Variants in NOP53 observed in about 807,000 individuals in gnomAD.
NOP53 encodes NOP53 ribosome biogenesis factor, also known as ribosome biogenesis protein NOP53.
Under a neutral mutation model 61.0 loss-of-function variants are expected in NOP53, and 40 were observed. The observed-to-expected ratio is 0.66, with a 90% confidence interval of 0.51 to 0.85. The LOEUF is 0.85. Among genes scored for constraint, NOP53 ranks in the 40% least tolerant of loss-of-function variants. The pLI is 0.00. For synonymous variants in NOP53, 308 were observed against 289.5 expected (o/e 1.06, Z -0.65); for missense variants, 689 against 652.9 (o/e 1.06, Z -0.60).
intron 2 of NOP53, among the ~76,000 whole-genome samples, chr19:47,747,854 C>T (rs1478248947): frequency 2.2e-5 from 3 of 136,304 alleles, no homozygotes; most frequent in African/African-American, 8.2e-5. Flanking sequence ...GATCTCAGCT[C>T]ACCGCAACCT....
rs894047871 is a variant in NOP53 at position 47,745,758 on chromosome 19, G to A, written c.199G>A (p.Val67Met). The A allele has an allele frequency of 6.3e-7, 1 of 1,587,926 alleles. No individual in the cohort carries two copies. The highest frequency in any genetic ancestry group is 1.4e-5 in the African/African-American group (1 of 73,820). Residue 67 changes from valine to methionine, a missense_variant, in exon 1 of 13, where the codon GTG becomes ATG. Physicochemically the swap from Val to Met is conservative, Grantham distance 21 (BLOSUM62 1). Transcript: ENST00000246802. ...GLEVDQFLED[V>M]RLQERTSGGL... ...GGAGGTTGACCAGTTCCTGGAAGAC[G>A]TGCGGCTACAGGAGCGCACGAGCGG... is the stretch of plus-strand genomic sequence containing the variant.
chr19:47,747,129 C>A, intron 2 of NOP53, 98 bp downstream of exon 2: 1 of 938,464 alleles, frequency 1.1e-6, no homozygotes, highest in South Asian at 1.6e-5. Context: ...GCTTGGAAGG[C>A]AAATATCTGC....
At chr19:47,745,994 A>G (rs1486045854) in intron 1 of NOP53, 3 of 517,270 alleles carry the variant, frequency 5.8e-6, no homozygotes, top group South Asian at 3.0e-5. Flanking sequence ...TTTAGCAGAT[A>G]AATATACAGG....
Position 47,751,042 on chromosome 19 carries a change from C to G in NOP53, c.533C>G (p.Thr178Arg). The G allele has an allele frequency of 1.9e-6, 3 of 1,607,286 alleles. No individual in the cohort carries two copies. The highest frequency in any genetic ancestry group is 2.5e-6 in the Non-Finnish European group (3 of 1,177,740). The part of the protein sequence containing the change: ...AQARLLNPSA[T>R]RAKPGPQDTV... Reference sequence around the variant, plus strand: ...GCCCGGCTCCTCAACCCTTCTGCAACAAGGGCCAAGCCCGGGCCCCAGGAC... The same window carrying G: ...GCCCGGCTCCTCAACCCTTCTGCAAGAAGGGCCAAGCCCGGGCCCCAGGAC... Residue 178 changes from threonine (T) to arginine (R), a missense_variant, in exon 4 of 13, where the codon ACA becomes AGA. Coordinates refer to ENST00000246802, the MANE Select transcript of NOP53 (RefSeq NM_015710.5).
rs986428663 is a variant in NOP53 at position 47,751,008 on chromosome 19, A to G, written c.499A>G (p.Arg167Gly). 2.5e-6 allele frequency: 4 copies of G among 1,596,952 alleles called. No homozygotes were observed. Among genetic ancestry groups the G allele is most frequent in the Admixed American group, 1.8e-5 (1 of 56,648 alleles). Residue 167 changes from arginine (R) to glycine (G), a missense_variant, in exon 4 of 13, where the codon AGG becomes GGG. Physicochemically the swap from Arg to Gly is moderately radical, Grantham distance 125. Coordinates refer to ENST00000246802, the MANE Select transcript of NOP53 (RefSeq NM_015710.5). Reference protein sequence around the residue: ...KQGELPREVRRAQARLLNPSA... With the variant: ...KQGELPREVRGAQARLLNPSA... The stretch of plus-strand genomic sequence containing the variant: ...GGGCGAGCTGCCCCGGGAGGTGCGC[A>G]GGGCCCAGGCCCGGCTCCTCAACCC...
intron 10 of NOP53, chr19:47,756,258 C>G (rs1380931075): frequency 1.8e-6 from 1 of 562,942 alleles, no homozygotes. Context: ...TCCCTCTGAT[C>G]CAGCCTTTGC....
At position 47,755,218 on chromosome 19, in the gene NOP53, T is replaced by C. The variant is rs1003791586; in HGVS notation, c.1054-130T>C. ...GCTGGGAAGGCACTGGAGGGGCCGC[T>C]GATGTGACGGGGTTAGGAAGGGCCT... is the stretch of plus-strand genomic sequence containing the variant. On this transcript the variant is annotated intron_variant, in intron 8 of 12. Transcript: ENST00000246802. The C allele has an allele frequency of 5.0e-6, 3 of 602,704 alleles. No individual in the cohort carries two copies. In the African/African-American group the frequency reaches 6.0e-5, roughly 12 times the overall value. The allele number at this position is 602,704 out of a possible 1,614,324, so 37.3% of individuals were successfully genotyped here. A position where few individuals can be genotyped will look rare whatever the true frequency, so the allele number is the denominator to read the frequency against.
At position 47,745,657 on chromosome 19, in the gene NOP53, C is replaced by T. The variant is rs576263200; in HGVS notation, c.98C>T (p.Ala33Val). The change falls in exon 1 of 13, where the codon GCG (alanine) becomes GTG (valine). Residue 33 changes from alanine to valine, a missense_variant. By Grantham distance (64) the Ala-to-Val change is moderately conservative. Coordinates refer to ENST00000246802, the MANE Select transcript of NOP53 (RefSeq NM_015710.5). Reference protein sequence around the residue: ...LGLRPTSVDPALRRRRRGPRN... With the variant: ...LGLRPTSVDPVLRRRRRGPRN... Reference sequence around the variant, plus strand: ...CTGCGGCCCACTTCGGTGGACCCAGCGCTGAGGCGGCGGCGGCGAGGCCCA... The same window carrying T: ...CTGCGGCCCACTTCGGTGGACCCAGTGCTGAGGCGGCGGCGGCGAGGCCCA... 11 of 1,613,644 alleles carry T rather than the reference C, an allele frequency of 6.8e-6. No individual in the cohort carries two copies. Among genetic ancestry groups the T allele is most frequent in the East Asian group, 2.2e-5 (1 of 44,864 alleles).
intron 3 of NOP53, 61 bp from the exon 4 acceptor site, chr19:47,750,847 C>T: frequency 7.1e-7 from 1 of 1,405,836 alleles, no homozygotes; most frequent in Non-Finnish European, 9.8e-7. Context: ...GGGGAGGAGG[C>T]CCTGCTGCCG....
Position 47,745,801 on chromosome 19 carries a change from T to G in NOP53, c.224+18T>G. The stretch of plus-strand genomic sequence containing the variant: ...ACGAGCGGGTACGTTGGGCGGGACT[T>G]CCGGGAGGTGGGACGGTTCCTGCGC... On this transcript the variant is annotated intron_variant, in intron 1 of 12. Transcript: ENST00000246802. 1 of 1,468,406 alleles carries G rather than the reference T, an allele frequency of 6.8e-7. No homozygotes were observed. The highest frequency in any genetic ancestry group is 1.4e-5 in the African/African-American group (1 of 69,028). 91.0% of individuals were successfully genotyped at this position (1,468,406 alleles called of 1,614,324 possible). A position where few individuals can be genotyped will look rare whatever the true frequency, so the allele number is the denominator to read the frequency against.
intron 5 of NOP53, among the ~76,000 whole-genome samples, chr19:47,752,278 A>C (rs1250133924): frequency 6.6e-6 from 1 of 152,110 alleles, no homozygotes; most frequent in Non-Finnish European, 1.5e-5. Flanking sequence ...CTGGACCCCA[A>C]GTGTTAGAGC....
chr19:47,755,393 G>A lies in NOP53; in HGVS notation c.1099G>A (p.Glu367Lys). ...ALRAARLRHQELFRLRGIKAQ... is the reference protein window; with the variant it reads ...ALRAARLRHQKLFRLRGIKAQ... ...GCGGGCCGCCCGGCTCCGGCACCAG[G>A]AGCTGTTCCGGCTGCGCGGGATCAA... The change falls in exon 9 of 13, where the codon GAG becomes AAG. Residue 367 changes from glutamate (E) to lysine (K), a missense_variant. Physicochemically the swap from Glu to Lys is moderately conservative, Grantham distance 56. Coordinates refer to ENST00000246802, the MANE Select transcript of NOP53 (RefSeq NM_015710.5). The A allele has an allele frequency of 6.5e-7, 1 of 1,531,242 alleles. No individual in the cohort carries two copies. Among genetic ancestry groups the A allele is most frequent in the South Asian group, 1.2e-5 (1 of 83,182 alleles). The allele number at this position is 1,531,242 out of a possible 1,614,324, so 94.9% of individuals were successfully genotyped here.
Position 47,751,117 on chromosome 19 carries a change from C to A in NOP53, c.598+10C>A. ...CTCTGGGCCTCAGACAGTGAGTGAT[C>A]CTGCTGTCACCTATGAATGGGGACA... On this transcript the variant is annotated intron_variant, in intron 4 of 12. Coordinates refer to ENST00000246802, the MANE Select transcript of NOP53 (RefSeq NM_015710.5). 1 of 1,596,354 alleles carries A rather than the reference C, an allele frequency of 6.3e-7. No individual in the cohort carries two copies. The highest frequency in any genetic ancestry group is 1.1e-5 in the South Asian group (1 of 88,256).
chr19:47,753,027 CTGGCAGCCAAG>C (rs961319129), intron 6 of NOP53: 1 of 176,316 alleles, frequency 5.7e-6, no homozygotes, highest in African/African-American at 2.3e-5. Flanking sequence ...CGGTGGCACA[CTGGCAGCCAAG>C]TGACAGTTAT....
rs773628746 is a variant in NOP53, at chr19:47,754,814, C to G, written c.976C>G (p.Pro326Ala). 1 of 1,534,118 alleles carries G rather than the reference C, an allele frequency of 6.5e-7. No individual in the cohort carries two copies. The highest frequency in any genetic ancestry group is 1.2e-5 in the South Asian group (1 of 81,906). ...GGAGGCTGGGGATGCCGAGGTCTGT[C>G]CCACGCCCGCCCGCCTGGCCACCAC... The part of the protein sequence containing the change: ...GPEAGDAEVC[P>A]TPARLATTEK... Residue 326 changes from proline to alanine, a missense_variant, in exon 8 of 13, where the codon CCC becomes GCC. Coordinates refer to ENST00000246802, the MANE Select transcript of NOP53 (RefSeq NM_015710.5). The surrounding 1 kb of genome is among the most constrained non-coding windows in gnomAD (Gnocchi z 4.2).
chr19:47,748,253 C>T (rs1395610223), intron 2 of NOP53, among the ~76,000 whole-genome samples: 1 of 151,950 alleles, frequency 6.6e-6, no homozygotes, highest in Non-Finnish European at 1.5e-5. Flanking sequence ...AATAAGAGGA[C>T]TTGCTTTAGT....
intron 2 of NOP53, among the ~76,000 whole-genome samples, chr19:47,748,544 A>G (rs1030589926): frequency 6.6e-6 from 1 of 152,064 alleles, no homozygotes; most frequent in African/African-American, 2.4e-5. Context: ...CAGTGACCAG[A>G]TAGAGTGGAA....
chr19:47,756,153 C>G (rs1967195155), intron 10 of NOP53: 1 of 512,906 alleles, frequency 1.9e-6, no homozygotes, highest in Admixed American at 3.3e-5. Flanking sequence ...TCCCCAGTGC[C>G]CCTGAGGAAG....
intron 1 of NOP53, 42 bp downstream of exon 1, chr19:47,745,825 G>A: frequency 7.5e-7 from 1 of 1,339,906 alleles, no homozygotes; most frequent in Non-Finnish European, 9.8e-7. Context: ...CGGTTCCTGC[G>A]CCCAGGTGCA....
Sources: gnomAD v4.1 joint callset for allele counts (sites outside exome capture counted in the v4.1 genomes callset) on GRCh38, gnomAD v4.1.1 for gene constraint, Gnocchi (gnomAD v3.1) non-coding constraint, MANE v1.5 for transcripts, NCBI Gene and HGNC (gene_info 2026-07-23, HGNC 2026-07-21) for gene names.